MYO9B: variants seen among roughly 807,000 people sequenced by gnomAD.
MYO9B encodes the protein myosin IXB, also known as unconventional myosin-IXb.
MYO9B carries 71 observed loss-of-function variants against 229.5 expected under a neutral mutation model. The observed-to-expected ratio is 0.31, with a 90% CI of 0.26 to 0.38. MYO9B has a LOEUF of 0.38. Ranked by LOEUF, MYO9B falls within the 10% of genes least tolerant of loss-of-function variation. The pLI, the probability that MYO9B is intolerant of heterozygous loss-of-function variation, is 1.00. For missense variants in MYO9B, 2,255 were observed against 2,920.5 expected, an observed-to-expected ratio of 0.77 and a Z score of 5.25; for synonymous variants, 1,185 against 1,235.8, an observed-to-expected ratio of 0.96 and a Z score of 0.86.
chr19:17,106,857 G>A (rs2057797127), intron 2 of MYO9B, among the ~76,000 whole-genome samples: 1 of 152,190 alleles, frequency 6.6e-6, no homozygotes, highest in South Asian at 2.1e-4. Flanking sequence ...GAGGTCAAGA[G>A]TTCGAGACCA....
At chr19:17,093,783 G>T (rs936636672) in intron 1 of MYO9B, among the ~76,000 whole-genome samples, 2 of 151,738 alleles carry the variant, frequency 1.3e-5, no homozygotes, top group African/African-American at 2.4e-5. Context: ...GCCTCCACCC[G>T]CTGGGCTCAA....
At chr19:17,155,232 A>C (rs1402875490) in intron 6 of MYO9B, among the ~76,000 whole-genome samples, 1 of 151,788 alleles carries the variant, frequency 6.6e-6, no homozygotes, top group East Asian at 1.9e-4. Context: ...CTTTCACCTA[A>C]GCTGGAGTGA....
chr19:17,159,246 T>TGGGC (rs1468268319), intron 7 of MYO9B, 149 bp from the exon 8 acceptor site: 8 of 482,690 alleles, frequency 1.7e-5, no homozygotes, highest in African/African-American at 1.4e-4. Context: ...GGTGGGTGGG[T>TGGGC]GGGCTTCAGG....
intron 11 of MYO9B, among the ~76,000 whole-genome samples, chr19:17,170,249 A>G (rs2072708292): frequency 6.6e-6 from 1 of 152,036 alleles, no homozygotes; most frequent in Admixed American, 6.6e-5. Flanking sequence ...GTCCCACGCT[A>G]ATGACCTCAT....
Position 17,197,676 on chromosome 19 carries a change from C to T in MYO9B, c.4047-116C>T, listed in dbSNP as rs2073060954. 19 of 1,189,708 alleles carry T rather than the reference C, an allele frequency of 1.6e-5. No homozygotes were observed. In the South Asian group the frequency reaches 2.5e-4, roughly 15 times the overall value. The allele number at this position is 1,189,708 out of a possible 1,614,324, so 73.7% of individuals were successfully genotyped here. ...AACCAAAACTGTCTCTAGACATTGC[C>T]AAGTGTCCCCTGGCAGGGGCAGAAC... On this transcript the variant is annotated intron_variant, in intron 22 of 39. Transcript: ENST00000682292.
chr19:17,184,749 C>A (rs1452807554), intron 16 of MYO9B, 116 bp from the exon 17 acceptor site: 4 of 1,387,390 alleles, frequency 2.9e-6, no homozygotes, highest in Non-Finnish European at 3.0e-6. Flanking sequence ...AGAGCTGCTG[C>A]CCGGGCACTC....
At chr19:17,207,855 G>A (rs4366827) in intron 35 of MYO9B, 79,259 of 151,900 alleles carry the variant, frequency 0.52, 22,106 homozygotes, top group East Asian at 0.76. Flanking sequence ...TACTAAAAAT[G>A]CAAAATTAGC....
chr19:17,162,945 G>A (rs763621449), intron 9 of MYO9B, 43 bp from the exon 10 acceptor site: 1 of 1,591,210 alleles, frequency 6.3e-7, no homozygotes, highest in East Asian at 2.3e-5. Context: ...GGCTCCCTCG[G>A]GGTGCACCTG....
chr19:17,130,486 G>C (rs1308339260), intron 2 of MYO9B, among the ~76,000 whole-genome samples: 2 of 152,174 alleles, frequency 1.3e-5, no homozygotes, highest in Non-Finnish European at 1.5e-5. Flanking sequence ...CGGGCGTGGT[G>C]GTGGGCGCCT....
chr19:17,196,178 T>C (rs1311836357), intron 22 of MYO9B, among the ~76,000 whole-genome samples: 2 of 136,328 alleles, frequency 1.5e-5, no homozygotes, highest in African/African-American at 5.5e-5. Flanking sequence ...GGATGGAAGA[T>C]AGAGATGATG....
At chr19:17,102,616 T>C (rs768151915) in intron 2 of MYO9B, 59 bp downstream of exon 2, 8 of 1,479,128 alleles carry the variant, frequency 5.4e-6, no homozygotes, top group Admixed American at 4.5e-5. Flanking sequence ...AATGCGGGTT[T>C]CAGGCCAAGC....
intron 1 of MYO9B, among the ~76,000 whole-genome samples, chr19:17,090,445 T>TCAG (rs924910838): frequency 5.3e-5 from 8 of 152,238 alleles, no homozygotes; most frequent in African/African-American, 1.9e-4. Flanking sequence ...GCCGCCTCAC[T>TCAG]CAGCCTTCAT....
intron 2 of MYO9B, among the ~76,000 whole-genome samples, chr19:17,125,304 C>A (rs1234151294): frequency 2.9e-5 from 4 of 138,398 alleles, no homozygotes; most frequent in South Asian, 2.3e-4. Context: ...CCATCCCCCC[C>A]CCCCCAAAAA....
intron 2 of MYO9B, among the ~76,000 whole-genome samples, chr19:17,139,171 G>A (rs1260431114): frequency 2.7e-5 from 4 of 148,468 alleles, no homozygotes; most frequent in Non-Finnish European, 6.0e-5. Context: ...AGTGAGACTC[G>A]ATCTCAAAAA....
intron 3 of MYO9B, 31 bp from the exon 4 acceptor site, chr19:17,152,613 T>G: frequency 6.3e-7 from 1 of 1,589,214 alleles, no homozygotes; most frequent in Non-Finnish European, 8.6e-7. Flanking sequence ...AATGTAATGT[T>G]TTATTCTTTC....
rs535607132 is a variant in MYO9B, at chr19:17,116,991, G to C, written c.840+14434G>C. 2.3e-4 allele frequency among the ~76,000 whole-genome samples: 35 copies of C among 152,312 alleles called. No homozygotes were observed. The Middle Eastern group carries it at 0.017, about 74-fold the overall frequency. ...ATTTTGGGGAATGCTGCATCTAAGA[G>C]AAGAGTGAAATTATGGGGTATATTT... On this transcript the variant is annotated intron_variant, in intron 2 of 39. Coordinates refer to ENST00000682292, the MANE Select transcript of MYO9B (RefSeq NM_004145.4).
In MYO9B at chr19:17,172,228, A is replaced by T; in HGVS notation, c.1794-108A>T. 1.6e-6 allele frequency: 2 copies of T among 1,214,874 alleles called. No individual in the cohort carries two copies. Among genetic ancestry groups the T allele is most frequent in the Non-Finnish European group, 2.3e-6 (2 of 880,626 alleles). The allele number at this position is 1,214,874 out of a possible 1,614,324, so 75.3% of individuals were successfully genotyped here. On this transcript the variant is annotated intron_variant, in intron 11 of 39. Coordinates refer to ENST00000682292, the MANE Select transcript of MYO9B (RefSeq NM_004145.4). This position sits in a 1 kb window ranked among gnomAD's most constrained non-coding sequence, Gnocchi z 8.2. Reference sequence around the variant, plus strand: ...CCTGTGCCACTTCACTGCTCTGCCCACCCCATGCACCCACCCACCTCGTGC... The same window carrying T: ...CCTGTGCCACTTCACTGCTCTGCCCTCCCCATGCACCCACCCACCTCGTGC...
intron 10 of MYO9B, among the ~76,000 whole-genome samples, chr19:17,166,249 G>T (rs1304177522): frequency 6.6e-6 from 1 of 152,052 alleles, no homozygotes. Context: ...CACCATGTTG[G>T]CCAGGTTGGT....
intron 1 of MYO9B, among the ~76,000 whole-genome samples, chr19:17,093,357 A>G (rs1021242499): frequency 3.9e-5 from 6 of 151,958 alleles, no homozygotes; most frequent in African/African-American, 9.7e-5. Context: ...AAAAAGACAT[A>G]TATCTTCGGT....
Sources: gnomAD v4.1 joint callset for allele counts (sites outside exome capture counted in the v4.1 genomes callset) on GRCh38, gnomAD v4.1.1 for gene constraint, Gnocchi (gnomAD v3.1) non-coding constraint, MANE v1.5 for transcripts, NCBI Gene and HGNC (gene_info 2026-07-23, HGNC 2026-07-21) for gene names.